TBC1D5: variants seen among roughly 807,000 people sequenced by gnomAD.
TBC1D5 encodes the protein TBC1 domain family, member 5.
TBC1D5 carries 75 observed loss-of-function variants against 100.3 expected under a neutral mutation model. The ratio of observed to expected loss-of-function variants is 0.75; its 90% CI spans 0.62 to 0.91. The LOEUF is 0.91. Ranked by LOEUF, TBC1D5 falls within the 40% of genes least tolerant of loss-of-function variation. The pLI is 0.00. For synonymous variants in TBC1D5, 323 were observed against 325.6 expected (o/e 0.99, Z 0.09); for missense variants, 910 against 942.4 (o/e 0.97, Z 0.45).
At chr3:17,690,024 T>C (rs908399534) in intron 1 of TBC1D5, among the ~76,000 whole-genome samples, 4 of 152,124 alleles carry the variant, frequency 2.6e-5, no homozygotes, top group Admixed American at 6.5e-5. Context: ...ATTGTTGCTA[T>C]AATACATGAT....
At chr3:17,632,936 A>T (rs975766753) in intron 1 of TBC1D5, among the ~76,000 whole-genome samples, 5 of 152,170 alleles carry the variant, frequency 3.3e-5, no homozygotes, top group Admixed American at 2.0e-4. Flanking sequence ...TCTCTGAGGT[A>T]TGCCTATAGT....
intron 3 of TBC1D5, among the ~76,000 whole-genome samples, chr3:17,474,822 G>A (rs577230940): frequency 4.6e-5 from 7 of 152,088 alleles, no homozygotes; most frequent in East Asian, 1.9e-4. Context: ...ATGGAATGCC[G>A]GAAGGATAAT....
intron 2 of TBC1D5, among the ~76,000 whole-genome samples, chr3:17,521,455 A>T (rs544669747): frequency 6.6e-6 from 1 of 152,328 alleles, no homozygotes; most frequent in Non-Finnish European, 1.5e-5. Flanking sequence ...AGTACATATA[A>T]CATACAAAAT....
chr3:17,395,788 T>C (rs2093487109), intron 8 of TBC1D5, among the ~76,000 whole-genome samples: 1 of 152,140 alleles, frequency 6.6e-6, no homozygotes, highest in Non-Finnish European at 1.5e-5. Flanking sequence ...ATATTTTCAT[T>C]AAAATACTGA....
chr3:17,638,567 T>C (rs1290790625), intron 1 of TBC1D5, among the ~76,000 whole-genome samples: 1 of 152,150 alleles, frequency 6.6e-6, no homozygotes, highest in Non-Finnish European at 1.5e-5. Context: ...TCAGCAGTAA[T>C]ATAAAGTATA....
At chr3:17,315,231 C>A (rs534055228) in intron 13 of TBC1D5, among the ~76,000 whole-genome samples, 1 of 152,316 alleles carries the variant, frequency 6.6e-6, no homozygotes, top group African/African-American at 2.4e-5. Flanking sequence ...CACAAAGTAT[C>A]CATAGCCAAA....
chr3:17,358,253 C>T (rs982421601), intron 13 of TBC1D5, among the ~76,000 whole-genome samples: 1 of 152,058 alleles, frequency 6.6e-6, no homozygotes, highest in East Asian at 1.9e-4. Context: ...GGCATGATCT[C>T]GGCTCACCAC....
chr3:17,422,898 G>A (rs1559853731), intron 4 of TBC1D5, among the ~76,000 whole-genome samples: 7 of 152,030 alleles, frequency 4.6e-5, no homozygotes, highest in Admixed American at 2.0e-4. Context: ...ACAAATCTTT[G>A]TGCCAAAGCT....
At chr3:17,299,400 G>A (rs1651443254) in intron 14 of TBC1D5, among the ~76,000 whole-genome samples, 1 of 152,000 alleles carries the variant, frequency 6.6e-6, no homozygotes, top group Non-Finnish European at 1.5e-5. Flanking sequence ...CTGAAATTGT[G>A]GAAACTTAAA....
At chr3:17,176,973 T>C (rs888558433) in intron 19 of TBC1D5, among the ~76,000 whole-genome samples, 3 of 152,182 alleles carry the variant, frequency 2.0e-5, no homozygotes, top group Non-Finnish European at 4.4e-5. Flanking sequence ...AGGCAGCCAC[T>C]GGGGGCCACT....
At chr3:17,583,738 C>T (rs902840231) in intron 2 of TBC1D5, among the ~76,000 whole-genome samples, 2 of 151,956 alleles carry the variant, frequency 1.3e-5, no homozygotes, top group African/African-American at 4.8e-5. Flanking sequence ...GAAAGTAGAA[C>T]CCTCATACAC....
intron 13 of TBC1D5, among the ~76,000 whole-genome samples, chr3:17,309,637 G>GA (rs1221173317): frequency 8.0e-5 from 12 of 150,928 alleles, no homozygotes; most frequent in East Asian, 1.9e-4. Context: ...CATGGCTTAG[G>GA]AAAAAAAATA....
Position 17,376,512 on chromosome 3 carries a change from A to G in TBC1D5, c.701+13T>C. ...AAAAAACAAATGGAGCTCATATTAA[A>G]AAAAAAACTTGCCTGGGCTGTGCAG... On this transcript the variant is annotated intron_variant, in intron 10 of 21. Transcript: ENST00000253692. 3.2e-6 allele frequency: 5 copies of G among 1,585,244 alleles called. 1 individual carries two copies. In the South Asian group the frequency reaches 5.9e-5, roughly 19 times the overall value.
intron 3 of TBC1D5, among the ~76,000 whole-genome samples, chr3:17,471,842 A>G (rs1401496989): frequency 6.6e-6 from 1 of 152,208 alleles, no homozygotes; most frequent in African/African-American, 2.4e-5. Flanking sequence ...AACTACACGT[A>G]TTAATAGAAT....
chr3:17,687,305 T>G (rs1194066368), intron 1 of TBC1D5, among the ~76,000 whole-genome samples: 1 of 152,084 alleles, frequency 6.6e-6, no homozygotes, highest in Non-Finnish European at 1.5e-5. Context: ...AAAGCTAAAT[T>G]TAGCCAGACA....
At chr3:17,738,139 T>C (rs1459816084) in intron 1 of TBC1D5, among the ~76,000 whole-genome samples, 1 of 152,250 alleles carries the variant, frequency 6.6e-6, no homozygotes, top group Non-Finnish European at 1.5e-5. Flanking sequence ...TGTCAAACTA[T>C]ATTTATTTGC....
chr3:17,328,013 A>T (rs1183563331), intron 13 of TBC1D5, among the ~76,000 whole-genome samples: 1 of 152,194 alleles, frequency 6.6e-6, no homozygotes, highest in Non-Finnish European at 1.5e-5. Context: ...TAACACCTGT[A>T]ATTCCAGCAC....
At chr3:17,202,265 G>A (rs900863257) in intron 18 of TBC1D5, among the ~76,000 whole-genome samples, 3 of 152,194 alleles carry the variant, frequency 2.0e-5, no homozygotes, top group Admixed American at 2.0e-4. Flanking sequence ...ACAATTTAGG[G>A]TATCTGGTGG....
chr3:17,510,379 T>A (rs2095890550), intron 2 of TBC1D5, among the ~76,000 whole-genome samples: 1 of 151,900 alleles, frequency 6.6e-6, no homozygotes, highest in African/African-American at 2.4e-5. Context: ...ATAAAACCTA[T>A]CCCCCTGGAA....
Sources: gnomAD v4.1 joint callset for allele counts (sites outside exome capture counted in the v4.1 genomes callset) on GRCh38, gnomAD v4.1.1 for gene constraint, MANE v1.5 for transcripts, NCBI Gene and HGNC (gene_info 2026-07-23, HGNC 2026-07-21) for gene names.